Variants in HMSD observed in about 807,000 individuals in gnomAD.
The protein encoded by HMSD is histocompatibility minor serpin domain containing, also known as serpin-like protein HMSD.
Under a neutral mutation model 10.0 loss-of-function variants are expected in HMSD, and 13 were observed. That is an observed-to-expected ratio of 1.31 (90% confidence interval 0.85 to 2.08). HMSD has a LOEUF of 2.08. Among genes scored for constraint, HMSD ranks in the 30% most tolerant of loss-of-function variants. The pLI, the probability that HMSD is intolerant of heterozygous loss-of-function variation, is 0.00. For missense variants in HMSD, 169 were observed against 166.3 expected (o/e 1.02, Z -0.09); for synonymous variants, 51 against 54.2 (o/e 0.94, Z 0.26).
rs1276728224 is a variant in HMSD at position 63,960,424 on chromosome 18, C to T, written c.*69C>T. 8.6e-5 allele frequency: 129 copies of T among 1,500,440 alleles called. No homozygotes were observed. The highest frequency in any genetic ancestry group is 1.1e-4 in the Non-Finnish European group (126 of 1,135,010). The allele number at this position is 1,500,440 out of a possible 1,614,324, so 92.9% of individuals were successfully genotyped here. A position where few individuals can be genotyped will look rare whatever the true frequency, so the allele number is the denominator to read the frequency against. On this transcript the variant is annotated 3_prime_UTR_variant, in exon 4 of 4. Transcript: ENST00000408945. ...CCTTTCTTTGGAAATATTGCCAACT[C>T]GTAGACCTTTTCTCTAGCTTTAGCT... is the stretch of plus-strand genomic sequence containing the variant.
intron 3 of HMSD, among the ~76,000 whole-genome samples, chr18:63,955,719 C>A (rs1240771364): frequency 6.6e-6 from 1 of 151,994 alleles, no homozygotes; most frequent in Non-Finnish European, 1.5e-5. Flanking sequence ...GAACACTGAC[C>A]CTGAAAGCCG....
intron 3 of HMSD, 27 bp downstream of exon 3, chr18:63,954,584 A>G (rs773360701): frequency 1.3e-6 from 2 of 1,591,352 alleles, no homozygotes; most frequent in Non-Finnish European, 1.7e-6. Context: ...TATTAGGAAA[A>G]TAAAGATAGC....
At chr18:63,954,726 G>A (rs2050349400) in intron 3 of HMSD, among the ~76,000 whole-genome samples, 169 bp downstream of exon 3, 1 of 151,764 alleles carries the variant, frequency 6.6e-6, no homozygotes, top group Admixed American at 6.6e-5. Context: ...AGGCTATATA[G>A]CAAATACCGT....
At chr18:63,962,152 T>G (rs1271834478), downstream of HMSD, among the ~76,000 whole-genome samples, 2 of 152,226 alleles carry the variant, frequency 1.3e-5, no homozygotes, top group Non-Finnish European at 2.9e-5. Context: ...CATAGATTAT[T>G]TAATCCTTAG....
chr18:63,950,185 G>A (rs1343077824), intron 1 of HMSD, among the ~76,000 whole-genome samples: 1 of 152,082 alleles, frequency 6.6e-6, no homozygotes, highest in East Asian at 1.9e-4. Flanking sequence ...GGGAGGCTGA[G>A]GGGGGCGGAT....
chr18:63,963,861 A>C (rs1426389792), downstream of HMSD, among the ~76,000 whole-genome samples: 1 of 152,238 alleles, frequency 6.6e-6, no homozygotes, highest in Non-Finnish European at 1.5e-5. Context: ...AGATAGAAGT[A>C]GAAATGCACT....
Position 63,954,400 on chromosome 18 carries a change from A to T in HMSD, c.73-8A>T. On this transcript the variant is annotated splice_region_variant and splice_polypyrimidine_tract_variant and intron_variant, in intron 2 of 3. Transcript: ENST00000408945. The stretch of plus-strand genomic sequence containing the variant: ...GAATGTGTATGTTTATTATTATTTT[A>T]TTTTCAGGCACTTTGTTTTAGTAAA... The T allele has an allele frequency of 6.2e-7, 1 of 1,603,672 alleles. No individual in the cohort carries two copies. The highest frequency in any genetic ancestry group is 8.5e-7 in the Non-Finnish European group (1 of 1,171,894).
chr18:63,961,208 T>A lies in HMSD; in HGVS notation c.*853T>A, dbSNP rs1156684781. ...ATCCAAGCAGGAGGGTGTTTTTTTTTTTTCTTTCCTGGAATGAGGATAATC... is the reference window on the plus strand; with the variant it reads ...ATCCAAGCAGGAGGGTGTTTTTTTTATTTCTTTCCTGGAATGAGGATAATC... On this transcript the variant is annotated 3_prime_UTR_variant, in exon 4 of 4. Transcript: ENST00000408945. The A allele has an allele frequency of 8.5e-6, 1 of 117,810 alleles. No homozygotes were observed. Among genetic ancestry groups the A allele is most frequent in the South Asian group, 2.4e-4 (1 of 4,154 alleles). The allele number at this position is 117,810 out of a possible 1,614,324, so 7.3% of individuals were successfully genotyped here. A position where few individuals can be genotyped will look rare whatever the true frequency, so the allele number is the denominator to read the frequency against.
At chr18:63,963,062 CTTTTCTTTCTCTT>C (rs1568261227), downstream of HMSD, among the ~76,000 whole-genome samples, 1 of 125,262 alleles carries the variant, frequency 8.0e-6, no homozygotes, top group Non-Finnish European at 1.6e-5. Flanking sequence ...TTCTTTCTTT[CTTTTCTTTCTCTT>C]TCTTTCTTTC....
At chr18:63,956,146 C>A (rs762604353) in intron 3 of HMSD, among the ~76,000 whole-genome samples, 1 of 152,158 alleles carries the variant, frequency 6.6e-6, no homozygotes, top group Non-Finnish European at 1.5e-5. Flanking sequence ...AAATAACATT[C>A]TGGACACAGG....
chr18:63,949,638 G>A (rs2050318629), intron 1 of HMSD, among the ~76,000 whole-genome samples: 3 of 152,010 alleles, frequency 2.0e-5, no homozygotes, highest in Admixed American at 1.3e-4. Flanking sequence ...CGCGGGGAGG[G>A]GAGGCCAGGG....
downstream of HMSD, among the ~76,000 whole-genome samples, chr18:63,965,870 A>G (rs1359757739): frequency 6.6e-6 from 1 of 152,220 alleles, no homozygotes; most frequent in Non-Finnish European, 1.5e-5. Flanking sequence ...GTCAAAAGAC[A>G]TTGAACCTCA....
At chr18:63,955,649 A>T (rs541361929) in intron 3 of HMSD, among the ~76,000 whole-genome samples, 1 of 152,152 alleles carries the variant, frequency 6.6e-6, no homozygotes, top group Non-Finnish European at 1.5e-5. Context: ...TGGGGCCAAG[A>T]TGGCCGACTA....
At chr18:63,957,117 C>T (rs962995588) in intron 3 of HMSD, among the ~76,000 whole-genome samples, 1 of 152,056 alleles carries the variant, frequency 6.6e-6, no homozygotes, top group South Asian at 2.1e-4. Flanking sequence ...AACTACCTAT[C>T]GGGTACTAGG....
At chr18:63,955,439 T>C (rs918795191) in intron 3 of HMSD, among the ~76,000 whole-genome samples, 2 of 152,110 alleles carry the variant, frequency 1.3e-5, no homozygotes, top group African/African-American at 4.8e-5. Flanking sequence ...GTTTTGTGCA[T>C]ATGTGTATGA....
intron 3 of HMSD, among the ~76,000 whole-genome samples, chr18:63,958,077 C>T (rs1195874553): frequency 4.6e-5 from 7 of 152,078 alleles, no homozygotes; most frequent in Non-Finnish European, 1.0e-4. Context: ...AATTTCCAAA[C>T]CACTGAAAAA....
chr18:63,967,564 A>G (rs2050415569), intron 3 of HMSD, among the ~76,000 whole-genome samples: 1 of 152,144 alleles, frequency 6.6e-6, no homozygotes. Flanking sequence ...TCTAATTTGG[A>G]GACGGTGGTA....
downstream of HMSD, among the ~76,000 whole-genome samples, chr18:63,963,692 C>T (rs182935443): frequency 1.9e-3 from 296 of 152,304 alleles, no homozygotes; most frequent in Middle Eastern, 0.01. Context: ...CCTGAGAACT[C>T]CATTCATTGC....
downstream of HMSD, among the ~76,000 whole-genome samples, chr18:63,963,135 TTTC>T (rs2144765911): frequency 7.4e-6 from 1 of 134,776 alleles, no homozygotes; most frequent in African/African-American, 3.0e-5. Context: ...CTTTCTTTCC[TTTC>T]TTTCTTCTCT....
Sources: allele counts gnomAD v4.1 joint callset (sites outside exome capture counted in the v4.1 genomes callset), GRCh38; gene constraint gnomAD v4.1.1; transcripts MANE v1.5; gene names NCBI Gene and HGNC (gene_info 2026-07-23, HGNC 2026-07-21).